Variants in PROSER2 observed in about 807,000 individuals in gnomAD.
The protein encoded by PROSER2 is proline and serine-rich protein 2.
In PROSER2, 18 loss-of-function variants were observed where a neutral mutation model predicts 14.6. That is an observed-to-expected ratio of 1.23 (90% CI 0.85 to 1.83). PROSER2 has a LOEUF of 1.83. PROSER2 is among the 40% of genes most tolerant of loss of function. PROSER2 has a pLI of 0.00. For missense variants in PROSER2, 823 were observed against 629.8 expected (o/e 1.31, Z -3.28); for synonymous variants, 367 against 286.4 (o/e 1.28, Z -2.84).
rs751298522 is a variant in PROSER2, at chr10:11,852,209, C to T, written c.132C>T (p.Phe44=). Residue 44 remains phenylalanine, a synonymous_variant, in exon 2 of 4, where the codon TTC becomes TTT. Transcript: ENST00000277570. ...SRSSSSRSRS[F]TLDDESLKYL... Reference sequence around the variant, plus strand: ...GCAGCAGCTCTCGCTCCAGAAGCTTCACTTTGGTGAGTGACAGTTTTTCTT... The same window carrying T: ...GCAGCAGCTCTCGCTCCAGAAGCTTTACTTTGGTGAGTGACAGTTTTTCTT... 3.7e-6 allele frequency: 6 copies of T among 1,603,660 alleles called. No individual in the cohort carries two copies. The highest frequency in any genetic ancestry group is 3.4e-5 in the Admixed American group (2 of 58,796).
Position 11,852,181 on chromosome 10 carries a change from G to A in PROSER2, c.104G>A (p.Arg35Gln), listed in dbSNP as rs139786861. ...AFSRGGSLES[R>Q]SSSSRSRSFT... ...AGCAGAGGCGGCAGCCTGGAGAGTCGAAGCAGCAGCTCTCGCTCCAGAAGC... is the reference window on the plus strand; with the variant it reads ...AGCAGAGGCGGCAGCCTGGAGAGTCAAAGCAGCAGCTCTCGCTCCAGAAGC... Residue 35 changes from arginine to glutamine, a missense_variant, in exon 2 of 4, where the codon CGA becomes CAA. Coordinates refer to ENST00000277570, the MANE Select transcript of PROSER2 (RefSeq NM_153256.4). The A allele has an allele frequency of 4.2e-4, 670 of 1,612,764 alleles. 1 individual carries two copies. The highest frequency in any genetic ancestry group is 5.4e-4 in the Non-Finnish European group (633 of 1,179,414).
chr10:11,870,224 AG>A lies in PROSER2; in HGVS notation c.1127del (p.Ser376ThrfsTer75). 1 of 1,490,534 alleles carries A rather than the reference AG, an allele frequency of 6.7e-7. No individual in the cohort carries two copies. Among genetic ancestry groups the A allele is most frequent in the Non-Finnish European group, 8.9e-7 (1 of 1,127,646 alleles). 92.3% of individuals were successfully genotyped at this position (1,490,534 alleles called of 1,614,324 possible). A position where few individuals can be genotyped will look rare whatever the true frequency, so the allele number is the denominator to read the frequency against. On this transcript the variant is annotated frameshift_variant, in exon 4 of 4. Transcript: ENST00000277570. LOFTEE classifies it low-confidence loss of function (END_TRUNC). ...CTTCCGCCCTGGCCCGGCCCTGCCCAGCACGCGGGCCCGTCAGAGCTTCCCC... is the reference window on the plus strand; with the variant it reads ...CTTCCGCCCTGGCCCGGCCCTGCCCACACGCGGGCCCGTCAGAGCTTCCCC... ...LCFRPGPALP[S>X]TRARQSFPGP...
At chr10:11,829,875 GCT>G (rs1833668464) in intron 1 of PROSER2, among the ~76,000 whole-genome samples, 1 of 108,564 alleles carries the variant, frequency 9.2e-6, no homozygotes, top group Non-Finnish European at 1.7e-5. Context: ...ACCAAGTCTC[GCT>G]CTGTCACCCA....
intron 2 of PROSER2, among the ~76,000 whole-genome samples, chr10:11,864,670 C>T (rs1454974291): frequency 4.0e-5 from 6 of 150,412 alleles, no homozygotes; most frequent in African/African-American, 1.5e-4. Context: ...CTCACTGCAA[C>T]CTCTGCCTCC....
Position 11,870,118 on chromosome 10 carries a change from G to A in PROSER2, c.1020G>A (p.Ala340=). The change falls in exon 4 of 4, where the codon GCG becomes GCA. Residue 340 remains alanine (A), a synonymous_variant. Transcript: ENST00000277570. ...GGGGTCAGGCTCCGCGGGGCCCGGC[G>A]CTGGCCAACGGCTTCCCAAGTGCGC... ...RAGGQAPRGP[A]LANGFPSAHE... 7.4e-7 allele frequency: 1 copy of A among 1,357,984 alleles called. No homozygotes were observed. Among genetic ancestry groups the A allele is most frequent in the Non-Finnish European group, 9.4e-7 (1 of 1,059,982 alleles). 84.1% of individuals were successfully genotyped at this position (1,357,984 alleles called of 1,614,324 possible).
At chr10:11,857,936 T>C (rs1200080580) in intron 2 of PROSER2, among the ~76,000 whole-genome samples, 3 of 150,818 alleles carry the variant, frequency 2.0e-5, no homozygotes, top group Non-Finnish European at 4.4e-5. Context: ...ACTAAATTTC[T>C]TTTTTTTTCC....
At chr10:11,861,468 G>T (rs558144577) in intron 2 of PROSER2, among the ~76,000 whole-genome samples, 1 of 152,296 alleles carries the variant, frequency 6.6e-6, no homozygotes, top group South Asian at 2.1e-4. Flanking sequence ...TGCTTAGCAG[G>T]TGCGTGTGTG....
intron 1 of PROSER2, among the ~76,000 whole-genome samples, chr10:11,842,928 G>GTTTTTTTT (rs1554766492): frequency 3.9e-5 from 2 of 51,712 alleles, no homozygotes; most frequent in Admixed American, 2.5e-4. Context: ...TTTTGCCATT[G>GTTTTTTTT]TTCTTTTTTT....
intron 1 of PROSER2, among the ~76,000 whole-genome samples, chr10:11,834,075 A>C (rs1386374803): frequency 5.2e-5 from 7 of 133,378 alleles, no homozygotes; most frequent in African/African-American, 2.0e-4. Flanking sequence ...GCTCACTGCA[A>C]CCTCTGCTTC....
chr10:11,828,693 A>G (rs1479852638), intron 1 of PROSER2, among the ~76,000 whole-genome samples: 1 of 152,194 alleles, frequency 6.6e-6, no homozygotes, highest in Non-Finnish European at 1.5e-5. Flanking sequence ...ACAGAGCGAG[A>G]CTTTATCTCC....
In PROSER2 at chr10:11,871,763, C is replaced by T. The variant is rs1040347827; in HGVS notation, c.*1357C>T. 10 of 152,116 alleles carry T rather than the reference C, an allele frequency of 6.6e-5. No individual in the cohort carries two copies. The highest frequency in any genetic ancestry group is 4.4e-5 in the Non-Finnish European group (3 of 67,960). 9.4% of individuals were successfully genotyped at this position (152,116 alleles called of 1,614,324 possible). On this transcript the variant is annotated 3_prime_UTR_variant, in exon 4 of 4. Coordinates refer to ENST00000277570, the MANE Select transcript of PROSER2 (RefSeq NM_153256.4). Reference sequence around the variant, plus strand: ...TGACACCTTTGTGTTTTTATGTCTCCGCCAGCGCCGTAACAGAGCCTGTTT... The same window carrying T: ...TGACACCTTTGTGTTTTTATGTCTCTGCCAGCGCCGTAACAGAGCCTGTTT...
intron 2 of PROSER2, among the ~76,000 whole-genome samples, chr10:11,857,833 C>G (rs547530311): frequency 7.9e-5 from 12 of 151,984 alleles, no homozygotes; most frequent in Non-Finnish European, 1.6e-4. Context: ...AAGAGAGACT[C>G]TAAGTGCAGG....
At chr10:11,831,392 G>A (rs771979649) in intron 1 of PROSER2, among the ~76,000 whole-genome samples, 8 of 152,172 alleles carry the variant, frequency 5.3e-5, no homozygotes, top group Non-Finnish European at 1.2e-4. Flanking sequence ...TTTCACAAAA[G>A]TAGAATGACT....
Position 11,869,817 on chromosome 10 carries a change from C to A in PROSER2, c.719C>A (p.Pro240Gln). Residue 240 changes from proline (P) to glutamine (Q), a missense_variant, in exon 4 of 4, where the codon CCG becomes CAG. Transcript: ENST00000277570. This position sits in a 1 kb window ranked among gnomAD's most constrained non-coding sequence, Gnocchi z 4.4. ...ARGPRSGDPG[P>Q]GPSHPAQPKA... ...GGGCCCCGCAGTGGAGACCCTGGCC[C>A]GGGGCCCAGCCACCCGGCGCAGCCC... is the stretch of plus-strand genomic sequence containing the variant. The A allele has an allele frequency of 6.4e-7, 1 of 1,565,422 alleles. No individual in the cohort carries two copies. Among genetic ancestry groups the A allele is most frequent in the East Asian group, 2.3e-5 (1 of 43,138 alleles).
At chr10:11,841,206 G>T (rs1282359283) in intron 1 of PROSER2, among the ~76,000 whole-genome samples, 1 of 151,332 alleles carries the variant, frequency 6.6e-6, no homozygotes, top group African/African-American at 2.4e-5. Context: ...TATTCTTCCA[G>T]GAATTTGTCC....
At chr10:11,843,537 T>A (rs1281388821) in intron 1 of PROSER2, among the ~76,000 whole-genome samples, 1 of 151,824 alleles carries the variant, frequency 6.6e-6, no homozygotes, top group Non-Finnish European at 1.5e-5. Flanking sequence ...GATACAAAAA[T>A]TATAGGCGCG....
chr10:11,832,937 A>G (rs942779247), intron 1 of PROSER2, among the ~76,000 whole-genome samples: 2 of 151,942 alleles, frequency 1.3e-5, no homozygotes, highest in East Asian at 3.9e-4. Context: ...CCACCTCCCA[A>G]ATTCAAGCAA....
Position 11,830,477 on chromosome 10 carries a change from C to T in PROSER2, c.-82+7007C>T, listed in dbSNP as rs1353086094. ...CTGTGACGGTTACTGTGAACAGCGC[C>T]GCGGTAAAGATGCAAGTGCAGGTGT... On this transcript the variant is annotated intron_variant, in intron 1 of 3. Coordinates refer to ENST00000277570, the MANE Select transcript of PROSER2 (RefSeq NM_153256.4). The surrounding 1 kb of genome is among the most constrained non-coding windows in gnomAD (Gnocchi z 4.5). Among the ~76,000 whole-genome samples, 4 of 152,148 alleles carry T rather than the reference C, an allele frequency of 2.6e-5. No homozygotes were observed. Among genetic ancestry groups the T allele is most frequent in the Non-Finnish European group, 4.4e-5 (3 of 68,034 alleles).
chr10:11,860,079 G>T (rs900449829), intron 2 of PROSER2, among the ~76,000 whole-genome samples: 2 of 152,218 alleles, frequency 1.3e-5, no homozygotes, highest in African/African-American at 4.8e-5. Context: ...GGCAGATCCG[G>T]GTTCACTGTG....
Sources: allele counts gnomAD v4.1 joint callset (sites outside exome capture counted in the v4.1 genomes callset), GRCh38; gene constraint gnomAD v4.1.1; non-coding constraint Gnocchi (gnomAD v3.1); transcripts MANE v1.5; gene names NCBI Gene and HGNC (gene_info 2026-07-23, HGNC 2026-07-21).